Variants in PCNX2 observed in about 807,000 individuals in gnomAD.
The protein encoded by PCNX2 is pecanex-like protein 2.
PCNX2 carries 168 observed loss-of-function variants against 223.8 expected under a neutral mutation model. That is an observed-to-expected ratio of 0.75 (90% CI 0.66 to 0.85). The LOEUF (loss-of-function observed/expected upper bound fraction) is 0.85, where lower values mean the gene tolerates loss of function less well. Among genes scored for constraint, PCNX2 ranks in the 40% least tolerant of loss-of-function variants. The pLI is 0.00. For synonymous variants in PCNX2, 1,006 were observed against 1,052.6 expected (o/e 0.96, Z 0.86); for missense variants, 2,507 against 2,675.5 (o/e 0.94, Z 1.39).
chr1:233,161,068 C>T (rs115274025), intron 18 of PCNX2, among the ~76,000 whole-genome samples: 1 of 152,152 alleles, frequency 6.6e-6, no homozygotes, highest in Non-Finnish European at 1.5e-5. Context: ...ATAAAGCAAT[C>T]GAACCCTATC....
At chr1:233,288,374 G>T (rs12140091) in intron 1 of PCNX2, among the ~76,000 whole-genome samples, 14,385 of 152,124 alleles carry the variant, frequency 0.095, 836 homozygotes, top group South Asian at 0.17. Context: ...ATCTCAAGAA[G>T]CCCTGAGAAA....
At chr1:233,155,645 C>A (rs1678074123) in intron 19 of PCNX2, among the ~76,000 whole-genome samples, 1 of 152,144 alleles carries the variant, frequency 6.6e-6, no homozygotes, top group African/African-American at 2.4e-5. Context: ...AGCCAAGAAT[C>A]ATAATATTAT....
intron 23 of PCNX2, 112 bp downstream of exon 23, chr1:233,089,949 C>T (rs1673786875): frequency 1.3e-6 from 2 of 1,534,948 alleles, no homozygotes; most frequent in Middle Eastern, 1.8e-4. Context: ...TTGGCCTGGC[C>T]CCACAGCAGG....
chr1:233,206,036 C>T (rs908183799), intron 13 of PCNX2, among the ~76,000 whole-genome samples: 3 of 151,974 alleles, frequency 2.0e-5, no homozygotes, highest in African/African-American at 7.3e-5. Flanking sequence ...GAACAGCTTC[C>T]AAGTGGAAGG....
intron 1 of PCNX2, among the ~76,000 whole-genome samples, chr1:233,267,964 T>C (rs1572178841): frequency 6.6e-6 from 1 of 152,094 alleles, no homozygotes. Flanking sequence ...CAGGCTGGAG[T>C]GCAGTGGCAC....
chr1:233,178,496 G>A (rs1169694213), intron 16 of PCNX2, among the ~76,000 whole-genome samples: 1 of 152,140 alleles, frequency 6.6e-6, no homozygotes, highest in Non-Finnish European at 1.5e-5. Flanking sequence ...TGATTAAAGG[G>A]AAGATTGTAA....
At chr1:233,296,907 C>T (rs892206628), upstream of PCNX2, among the ~76,000 whole-genome samples, 1 of 152,220 alleles carries the variant, frequency 6.6e-6, no homozygotes, top group African/African-American at 2.4e-5. Context: ...CATGAAAGGC[C>T]ACTGAGTTAC....
intron 15 of PCNX2, among the ~76,000 whole-genome samples, chr1:233,185,254 A>G (rs1039673893): frequency 3.3e-5 from 5 of 152,098 alleles, no homozygotes; most frequent in Admixed American, 2.0e-4. Flanking sequence ...TATCTTCAAG[A>G]AAGATTACCT....
intron 19 of PCNX2, among the ~76,000 whole-genome samples, chr1:233,150,783 T>C (rs904398512): frequency 2.0e-5 from 3 of 152,116 alleles, no homozygotes; most frequent in Admixed American, 6.6e-5. Flanking sequence ...AATAAAAATG[T>C]GTCCTTCACA....
At chr1:233,288,247 T>C (rs1237357223) in intron 1 of PCNX2, among the ~76,000 whole-genome samples, 1 of 152,222 alleles carries the variant, frequency 6.6e-6, no homozygotes, top group East Asian at 1.9e-4. Context: ...TGAATTAGAT[T>C]GTTCAATTAA....
intron 25 of PCNX2, among the ~76,000 whole-genome samples, chr1:233,026,431 G>C (rs944701539): frequency 6.6e-6 from 1 of 152,192 alleles, no homozygotes; most frequent in Admixed American, 6.5e-5. Flanking sequence ...GATGGCTTTA[G>C]CTTAAAAGAA....
intron 12 of PCNX2, among the ~76,000 whole-genome samples, chr1:233,214,250 G>C (rs953340848): frequency 1.3e-5 from 2 of 152,144 alleles, no homozygotes; most frequent in African/African-American, 4.8e-5. Flanking sequence ...TAAACACTCA[G>C]GGACACTGCA....
intron 22 of PCNX2, among the ~76,000 whole-genome samples, chr1:233,092,944 G>A (rs146405646): frequency 3.9e-5 from 6 of 152,104 alleles, no homozygotes; most frequent in African/African-American, 7.2e-5. Context: ...GTACACAGGC[G>A]CCCACTACCA....
At chr1:233,216,053 A>T (rs1337040831) in intron 12 of PCNX2, among the ~76,000 whole-genome samples, 3 of 152,270 alleles carry the variant, frequency 2.0e-5, no homozygotes, top group Non-Finnish European at 4.4e-5. Flanking sequence ...AATTTTTTTT[A>T]AAAGCACAAT....
chr1:233,187,576 A>G (rs995782902), intron 15 of PCNX2, among the ~76,000 whole-genome samples: 2 of 152,074 alleles, frequency 1.3e-5, no homozygotes, highest in African/African-American at 4.8e-5. Flanking sequence ...TTCACTCAAC[A>G]ATTGCAATTC....
At chr1:233,070,802 C>T (rs139932583) in intron 23 of PCNX2, among the ~76,000 whole-genome samples, 3,298 of 152,046 alleles carry the variant, frequency 0.022, 48 homozygotes, top group South Asian at 0.048. Context: ...TTTGGGAGGC[C>T]GAGGTGGGCA....
chr1:233,313,776 T>C, the PCNX2 span, among the ~76,000 whole-genome samples: 1 of 152,098 alleles, frequency 6.6e-6, no homozygotes, highest in Non-Finnish European at 1.5e-5. Flanking sequence ...GGTAATTAAA[T>C]GACCCAAACA....
At chr1:233,060,798 AC>A (rs1300769417) in intron 23 of PCNX2, among the ~76,000 whole-genome samples, 1 of 152,190 alleles carries the variant, frequency 6.6e-6, no homozygotes, top group Non-Finnish European at 1.5e-5. Context: ...TGACAAAGTC[AC>A]TGTGCATTGC....
chr1:233,089,870 G>A, intron 23 of PCNX2, 191 bp downstream of exon 23: 2 of 1,366,042 alleles, frequency 1.5e-6, no homozygotes, highest in Non-Finnish European at 1.9e-6. Flanking sequence ...AATCAGTCAT[G>A]TTCTTTCCAG....
Sources: allele counts gnomAD v4.1 joint callset (sites outside exome capture counted in the v4.1 genomes callset), GRCh38; gene constraint gnomAD v4.1.1; transcripts MANE v1.5; gene names NCBI Gene and HGNC (gene_info 2026-07-23, HGNC 2026-07-21).